AMY2B: variants seen among roughly 807,000 people sequenced by gnomAD.
The protein encoded by AMY2B is alpha-amylase 2B.
AMY2B carries 63 observed loss-of-function variants against 59.3 expected under a neutral mutation model. The ratio of observed to expected loss-of-function variants is 1.06; its 90% CI spans 0.87 to 1.31. AMY2B has a LOEUF of 1.31. Ranked by LOEUF, AMY2B falls within the 50% of genes most tolerant of loss-of-function variation. AMY2B has a pLI of 0.00. For synonymous variants in AMY2B, 180 were observed against 198.1 expected (o/e 0.91, Z 0.77); for missense variants, 635 against 626.7 (o/e 1.01, Z -0.14).
intron 7 of AMY2B, 192 bp from the exon 8 acceptor site, chr1:103,577,298 A>G (rs1652396822): frequency 3.6e-6 from 4 of 1,124,438 alleles, no homozygotes; most frequent in African/African-American, 3.2e-5. Flanking sequence ...AAATATGGCA[A>G]AAGAGAACCA....
chr1:103,577,154 C>T (rs553943162), intron 7 of AMY2B, among the ~76,000 whole-genome samples: 5 of 152,258 alleles, frequency 3.3e-5, no homozygotes, highest in Admixed American at 1.3e-4. Flanking sequence ...AGGAGGATCG[C>T]TTGAGCCTGG....
At chr1:103,566,197 T>C (rs1342982069) in intron 2 of AMY2B, among the ~76,000 whole-genome samples, 1 of 152,178 alleles carries the variant, frequency 6.6e-6, no homozygotes, top group Non-Finnish European at 1.5e-5. Flanking sequence ...CTTATTCCCA[T>C]CTGTCAGAAA....
At chr1:103,573,288 A>C (rs765565445) in intron 3 of AMY2B, 28 bp downstream of exon 3, 13 of 1,613,326 alleles carry the variant, frequency 8.1e-6, no homozygotes, top group Non-Finnish European at 1.1e-5. Context: ...AGTCATCTGA[A>C]TAAGGGGTGA....
chr1:103,572,324 T>C, intron 2 of AMY2B, 68 bp downstream of exon 2: 2 of 1,565,284 alleles, frequency 1.3e-6, no homozygotes, highest in South Asian at 1.2e-5. Context: ...TCTTTCTTGC[T>C]CCTTTTCAGC....
chr1:103,562,871 T>G (rs530526482), intron 1 of AMY2B, among the ~76,000 whole-genome samples: 2 of 152,184 alleles, frequency 1.3e-5, no homozygotes, highest in South Asian at 4.1e-4. Context: ...CTCTTTCATT[T>G]TATTTAAGTC....
chr1:103,569,827 G>C, upstream of AMY2B: 1 of 457,028 alleles, frequency 2.2e-6, no homozygotes, highest in Admixed American at 2.6e-5. Flanking sequence ...CCTTCTACAA[G>C]GGACTGCACA....
At chr1:103,556,883 G>A (rs1651569377) in intron 1 of AMY2B, among the ~76,000 whole-genome samples, 1 of 152,100 alleles carries the variant, frequency 6.6e-6, no homozygotes, top group South Asian at 2.1e-4. Flanking sequence ...TCTTTAATGT[G>A]TCAACTGTAA....
At chr1:103,572,768 C>A (rs1229423382) in intron 2 of AMY2B, among the ~76,000 whole-genome samples, 1 of 152,110 alleles carries the variant, frequency 6.6e-6, no homozygotes, top group Admixed American at 6.6e-5. Context: ...CCTTTCCAGT[C>A]TCATCTGAGT....
intron 5 of AMY2B, 102 bp from the exon 6 acceptor site, chr1:103,575,121 A>T: frequency 6.5e-7 from 1 of 1,527,054 alleles, no homozygotes; most frequent in South Asian, 1.2e-5. Flanking sequence ...GAAAGAATTT[A>T]ATCTTCAGAT....
At chr1:103,572,374 T>G in intron 2 of AMY2B, 118 bp downstream of exon 2, 2 of 1,489,298 alleles carry the variant, frequency 1.3e-6, no homozygotes, top group Non-Finnish European at 1.8e-6. Flanking sequence ...TTTTACTTCA[T>G]ACTTTAAAAC....
At chr1:103,579,082 AT>A (rs1477583693) in intron 9 of AMY2B, among the ~76,000 whole-genome samples, 1 of 152,148 alleles carries the variant, frequency 6.6e-6, no homozygotes, top group Non-Finnish European at 1.5e-5. Flanking sequence ...TTCAACTTTG[AT>A]TTTTTGGTAA....
intron 2 of AMY2B, 76 bp from the exon 3 acceptor site, chr1:103,572,987 T>C: frequency 3.1e-6 from 5 of 1,609,692 alleles, no homozygotes; most frequent in Middle Eastern, 2.2e-4. Context: ...ATTAACATAC[T>C]ATAAACTTGA....
chr1:103,571,384 C>G (rs1406219435), upstream of AMY2B: 3 of 1,177,310 alleles, frequency 2.5e-6, no homozygotes. Context: ...CTGCCAGAAC[C>G]AAAAAAACAT....
At chr1:103,569,154 C>T (rs1246309894), upstream of AMY2B, 4 of 152,174 alleles carry the variant, frequency 2.6e-5, no homozygotes, top group Admixed American at 6.5e-5. Flanking sequence ...TACCTCCTAC[C>T]AGGTCCCTCT....
At position 103,573,084 on chromosome 1, in the gene AMY2B, G is replaced by A. The variant is rs139026811; in HGVS notation, c.337G>A (p.Val113Ile). 40 of 1,613,704 alleles carry A rather than the reference G, an allele frequency of 2.5e-5. No individual in the cohort carries two copies. Among genetic ancestry groups the A allele is most frequent in the East Asian group, 8.9e-5 (4 of 44,854 alleles). The stretch of plus-strand genomic sequence containing the variant: ...CTAGGTTCGTATTTATGTGGATGCT[G>A]TAATTAATCATATGTCTGGTAATGC... Reference protein sequence around the residue: ...NVGVRIYVDAVINHMSGNAVS... With the variant: ...NVGVRIYVDAIINHMSGNAVS... Residue 113 changes from valine (V) to isoleucine (I), a missense_variant, in exon 3 of 10, where the codon GTA becomes ATA. Val to Ile is a conservative substitution (Grantham distance 29). Transcript: ENST00000684275.
At chr1:103,554,732 T>C (rs1304288933) in exon 1 of AMY2B, 1 of 152,586 alleles carries the variant, frequency 6.6e-6, no homozygotes, top group Non-Finnish European at 1.5e-5. Flanking sequence ...CTGTGTTTCT[T>C]TGTTGAAAAA....
chr1:103,572,226 A>C lies in AMY2B; in HGVS notation c.285A>C (p.Arg95Ser). ...GATCTGGAAATGAAGATGAATTTAG[A>C]AACATGGTGACTAGATGTAACAATG... ...CTRSGNEDEFRNMVTRCNNVG... is the reference protein window; with the variant it reads ...CTRSGNEDEFSNMVTRCNNVG... The change falls in exon 2 of 10, where the codon AGA becomes AGC. Residue 95 changes from arginine (R) to serine (S), a missense_variant. By Grantham distance (110) the Arg-to-Ser change is moderately radical (BLOSUM62 -1). Coordinates refer to ENST00000684275, the MANE Select transcript of AMY2B (RefSeq NM_001387437.1). The C allele has an allele frequency of 6.2e-7, 1 of 1,611,580 alleles. No individual in the cohort carries two copies. Among genetic ancestry groups the C allele is most frequent in the Non-Finnish European group, 8.5e-7 (1 of 1,179,604 alleles).
upstream of AMY2B, chr1:103,570,662 C>T (rs999357055): frequency 6.7e-5 from 39 of 585,922 alleles, no homozygotes; most frequent in Non-Finnish European, 1.3e-4. Context: ...TCGTCCACCG[C>T]AAATGCTTCT....
Position 103,573,760 on chromosome 1 carries a change from A to G in AMY2B, c.566A>G (p.Tyr189Cys), listed in dbSNP as rs760393388. ...GLLDLALEKD[Y>C]VRSKIAEYMN... ...CTTGATCTTGCACTGGAGAAAGATT[A>G]TGTGCGTTCCAAGATTGCCGAATAT... is the stretch of plus-strand genomic sequence containing the variant. Residue 189 changes from tyrosine (Y) to cysteine (C), a missense_variant, in exon 4 of 10, where the codon TAT becomes TGT. By Grantham distance (194) the Tyr-to-Cys change is radical (BLOSUM62 -2). Transcript: ENST00000684275. 6.2e-7 allele frequency: 1 copy of G among 1,613,730 alleles called. No individual in the cohort carries two copies. The highest frequency in any genetic ancestry group is 8.5e-7 in the Non-Finnish European group (1 of 1,179,764).
Sources: gnomAD v4.1 joint callset for allele counts (sites outside exome capture counted in the v4.1 genomes callset) on GRCh38, gnomAD v4.1.1 for gene constraint, MANE v1.5 for transcripts, NCBI Gene and HGNC (gene_info 2026-07-23, HGNC 2026-07-21) for gene names.